The following ALG13 variants were observed in gnomAD, a reference collection of about 807,000 sequenced individuals.
ALG13 encodes the protein UDP-N-acetylglucosamine transferase subunit ALG13.
Under a neutral mutation model 87.8 loss-of-function variants are expected in ALG13, and 11 were observed. That is an observed-to-expected ratio of 0.13 (90% CI 0.08 to 0.21). ALG13 has a LOEUF of 0.21. ALG13 is among the 10% of genes least tolerant of loss of function. The pLI, the probability that ALG13 is intolerant of heterozygous loss-of-function variation, is 1.00. For missense variants in ALG13, 756 were observed against 866.1 expected (o/e 0.87, Z 1.60); for synonymous variants, 320 against 306.3 (o/e 1.04, Z -0.47).
rs761451605 is a variant in ALG13 at position 111,708,283 on chromosome X, C to T, written c.640C>T (p.Gln214Ter). Reference protein sequence around the residue: ...MHKGWKNYCSQKSLNEASMDE... With the variant: ...MHKGWKNYCS ...TAAAGGATGGAAAAACTACTGCAGC[C>T]AGAAGTCTTTGAATGAGGCATCAAT... Residue 214 changes from glutamine to a stop codon, truncating the protein, a stop_gained, in exon 4 of 27, where the codon CAG (glutamine) becomes TAG (stop). Transcript: ENST00000394780. LOFTEE classifies it high-confidence loss of function. 1 of 1,211,803 alleles carries T rather than the reference C, an allele frequency of 8.3e-7. No homozygotes were observed. The highest frequency in any genetic ancestry group is 1.1e-6 in the Non-Finnish European group (1 of 895,465).
chrX:111,727,194 A>C, intron 16 of ALG13, 138 bp from the exon 17 acceptor site: 2 of 907,241 alleles, frequency 2.2e-6, no homozygotes, highest in South Asian at 2.4e-5. Flanking sequence ...GTTAGCCCTA[A>C]TGCCAGTATT....
At position 111,681,630 on chromosome X, in the gene ALG13, G is replaced by A. The variant is rs753345933; in HGVS notation, c.81+331G>A. 170 of 923,053 alleles carry A rather than the reference G, an allele frequency of 1.8e-4. No individual in the cohort carries two copies. The African/African-American group carries it at 3.2e-3, about 17-fold the overall frequency. The allele number at this position is 923,053 out of a possible 1,213,427, so 76.1% of individuals were successfully genotyped here. On this transcript the variant is annotated intron_variant, in intron 1 of 26. Transcript: ENST00000394780. The stretch of plus-strand genomic sequence containing the variant: ...CTCCTTCCAACGGCTCCGCCCCTCC[G>A]AGCTCGGGTTTTCCACCGGGCTCGG...
At chrX:111,722,437 G>A (rs1266655191) in intron 12 of ALG13, among the ~76,000 whole-genome samples, 1 of 111,703 alleles carries the variant, frequency 9.0e-6, no homozygotes, top group Non-Finnish European at 1.9e-5. Flanking sequence ...TCTAGAATGA[G>A]GTTAAGACCT....
At chrX:111,707,106 G>A (rs889334806) in intron 3 of ALG13, among the ~76,000 whole-genome samples, 1 of 111,037 alleles carries the variant, frequency 9.0e-6, no homozygotes, top group African/African-American at 3.3e-5. Context: ...AATAAAACAA[G>A]CAATTGGGCC....
chrX:111,736,729 G>A lies in ALG13; in HGVS notation c.2545G>A (p.Ala849Thr). 1 of 1,208,803 alleles carries A rather than the reference G, an allele frequency of 8.3e-7. No individual in the cohort carries two copies. Among genetic ancestry groups the A allele is most frequent in the South Asian group, 1.8e-5 (1 of 56,281 alleles). Residue 849 changes from alanine to threonine, a missense_variant, in exon 23 of 27, where the codon GCA (alanine) becomes ACA (threonine). Coordinates refer to ENST00000394780, the MANE Select transcript of ALG13 (RefSeq NM_001099922.3). Reference protein sequence around the residue: ...NYPQKMMGNIAAVAASCANNV... With the variant: ...NYPQKMMGNITAVAASCANNV... ...ACACTTACAGATGATGGGAAATATT[G>A]CAGCAGTTGCAGCTTCCTGTGCCAA...
intron 2 of ALG13, among the ~76,000 whole-genome samples, chrX:111,683,682 A>G (rs1934175904): frequency 9.0e-6 from 1 of 110,960 alleles, no homozygotes; most frequent in Non-Finnish European, 1.9e-5. Context: ...AAGATACCCA[A>G]AAAGGACTTA....
At chrX:111,735,697 T>C (rs937070826) in intron 22 of ALG13, among the ~76,000 whole-genome samples, 3 of 111,127 alleles carry the variant, frequency 2.7e-5, no homozygotes, top group Non-Finnish European at 5.7e-5. Context: ...TCAAGCAACA[T>C]AAGACTTAAC....
chrX:111,727,889 G>A, intron 18 of ALG13, 119 bp downstream of exon 18: 1 of 832,595 alleles, frequency 1.2e-6, no homozygotes, highest in African/African-American at 2.1e-5. Context: ...AGCCTTTTCT[G>A]GAAAATGAAA....
At chrX:111,746,680 A>C (rs994675770) in intron 24 of ALG13, among the ~76,000 whole-genome samples, 2 of 112,204 alleles carry the variant, frequency 1.8e-5, no homozygotes, top group Non-Finnish European at 3.8e-5. Flanking sequence ...AGATGTTTTT[A>C]TTTCCCTTGG....
chrX:111,757,903 C>T (rs1042419453), intron 26 of ALG13, 141 bp downstream of exon 26: 76 of 546,504 alleles, frequency 1.4e-4, no homozygotes, highest in Non-Finnish European at 2.1e-4. Context: ...CTCTTGTGGT[C>T]CCTAAGACTC....
At chrX:111,706,085 C>T (rs1312072254) in intron 3 of ALG13, among the ~76,000 whole-genome samples, 13 of 109,398 alleles carry the variant, frequency 1.2e-4, no homozygotes, top group Admixed American at 1.9e-4. Flanking sequence ...GACGGAGTCT[C>T]GCTCTGTTGC....
intron 23 of ALG13, among the ~76,000 whole-genome samples, chrX:111,741,288 C>G (rs1422229876): frequency 9.0e-6 from 1 of 111,349 alleles, no homozygotes; most frequent in Non-Finnish European, 1.9e-5. Flanking sequence ...TTAAGACATT[C>G]AAGAAATATC....
chrX:111,714,347 CCTT>C (rs1179218491), intron 8 of ALG13: 2 of 109,348 alleles, frequency 1.8e-5, no homozygotes, highest in Non-Finnish European at 3.8e-5. Context: ...GGGAAAAAGC[CCTT>C]CTTTCTGCTT....
chrX:111,687,352 C>T (rs199935453), intron 3 of ALG13, among the ~76,000 whole-genome samples: 5 of 112,394 alleles, frequency 4.4e-5, no homozygotes, highest in East Asian at 2.8e-4. Flanking sequence ...AATAAATTTC[C>T]GATGTAATGG....
At chrX:111,686,022 T>C (rs1012121658) in intron 3 of ALG13, 1 of 449,150 alleles carries the variant, frequency 2.2e-6, no homozygotes, top group African/African-American at 2.5e-5. Context: ...TTGAAGTATT[T>C]TAAGCAGAGA....
chrX:111,725,860 A>G (rs1195539621), intron 15 of ALG13, among the ~76,000 whole-genome samples: 1 of 112,657 alleles, frequency 8.9e-6, no homozygotes, highest in African/African-American at 3.2e-5. Context: ...AATACCTCAT[A>G]GAAGCAGCCA....
intron 22 of ALG13, 123 bp from the exon 23 acceptor site, chrX:111,736,591 A>G: frequency 1.6e-6 from 1 of 644,312 alleles, no homozygotes; most frequent in South Asian, 3.2e-5. Flanking sequence ...AGGTTTACAT[A>G]AAGATTGACT....
chrX:111,722,646 T>C, intron 12 of ALG13, 147 bp from the exon 13 acceptor site: 1 of 427,175 alleles, frequency 2.3e-6, no homozygotes, highest in Non-Finnish European at 4.1e-6. Context: ...TCCAGAATGA[T>C]AGAATCGCCC....
chrX:111,703,093 C>G (rs979605458), intron 3 of ALG13, among the ~76,000 whole-genome samples: 3 of 110,691 alleles, frequency 2.7e-5, no homozygotes, highest in Non-Finnish European at 3.8e-5. Context: ...CAGGGATGAT[C>G]TTTTTTGCTT....
Sources: gnomAD v4.1 joint callset for allele counts (sites outside exome capture counted in the v4.1 genomes callset) on GRCh38, gnomAD v4.1.1 for gene constraint, MANE v1.5 for transcripts, NCBI Gene and HGNC (gene_info 2026-07-23, HGNC 2026-07-21) for gene names.